Variants in GABRA4 observed in about 807,000 individuals in gnomAD.
The protein encoded by GABRA4 is gamma-aminobutyric acid type A receptor subunit alpha4.
GABRA4 carries 12 observed loss-of-function variants against 49.7 expected under a neutral mutation model. The observed-to-expected ratio is 0.24, with a 90% CI of 0.15 to 0.39. GABRA4 has a LOEUF of 0.39. Ranked by LOEUF, GABRA4 falls within the 10% of genes least tolerant of loss-of-function variation. The probability of loss-of-function intolerance (pLI) is 1.00; values close to 1 mark genes in which losing one functional copy is unlikely to be tolerated. For missense variants in GABRA4, 506 were observed against 686.0 expected, an observed-to-expected ratio of 0.74 and a Z score of 2.93; for synonymous variants, 288 against 240.2, an observed-to-expected ratio of 1.20 and a Z score of -1.84.
At chr4:46,933,736 T>C (rs1488586790) in intron 8 of GABRA4, among the ~76,000 whole-genome samples, 1 of 152,284 alleles carries the variant, frequency 6.6e-6, no homozygotes, top group Admixed American at 6.5e-5. Context: ...GTACAGAGTG[T>C]AGAGACTTCA....
chr4:46,965,667 A>G (rs1403140882), intron 7 of GABRA4, among the ~76,000 whole-genome samples: 2 of 151,784 alleles, frequency 1.3e-5, no homozygotes, highest in Non-Finnish European at 2.9e-5. Flanking sequence ...TCATCCAGGA[A>G]TGGAAAGTGA....
At chr4:46,978,708 A>AAAAAAG (rs1560481725) in intron 3 of GABRA4, among the ~76,000 whole-genome samples, 2 of 149,422 alleles carry the variant, frequency 1.3e-5, no homozygotes, top group African/African-American at 2.5e-5. Context: ...AAAAAAAAAA[A>AAAAAAG]AAAAAGAAAA....
At chr4:46,990,774 C>T (rs1560486448) in intron 2 of GABRA4, among the ~76,000 whole-genome samples, 1 of 152,150 alleles carries the variant, frequency 6.6e-6, no homozygotes, top group Non-Finnish European at 1.5e-5. Context: ...AATGATTCAC[C>T]CCTTTTCAGA....
At chr4:46,959,889 G>C (rs996119998) in intron 8 of GABRA4, among the ~76,000 whole-genome samples, 1 of 149,736 alleles carries the variant, frequency 6.7e-6, no homozygotes, top group South Asian at 2.1e-4. Context: ...ACTGGAATAC[G>C]TGGACCTACA....
At chr4:46,938,569 A>G (rs1262761668) in intron 8 of GABRA4, among the ~76,000 whole-genome samples, 2 of 152,130 alleles carry the variant, frequency 1.3e-5, no homozygotes, top group Non-Finnish European at 2.9e-5. Flanking sequence ...GTCTTTGATG[A>G]GCCAAGAACC....
At position 46,924,855 on chromosome 4, in the gene GABRA4, T is replaced by C. The variant is rs1721156260; in HGVS notation, c.*3370A>G. 1 of 152,026 alleles carries C rather than the reference T, an allele frequency of 6.6e-6. No homozygotes were observed. The highest frequency in any genetic ancestry group is 2.1e-4 in the South Asian group (1 of 4,830). 9.4% of individuals were successfully genotyped at this position (152,026 alleles called of 1,614,324 possible). On this transcript the variant is annotated 3_prime_UTR_variant, in exon 9 of 9. Transcript: ENST00000264318. The stretch of plus-strand genomic sequence containing the variant: ...TGAAAAGCTCTTAGATATTACATAA[T>C]CCACCTCCTCCCTGTTATAAATGAG...
intron 8 of GABRA4, among the ~76,000 whole-genome samples, chr4:46,959,185 G>C (rs1182263923): frequency 6.6e-6 from 1 of 151,588 alleles, no homozygotes; most frequent in Non-Finnish European, 1.5e-5. Flanking sequence ...AATCTTTAAA[G>C]TTGTACTTGA....
At position 46,954,381 on chromosome 4, in the gene GABRA4, C is replaced by A. The variant is rs550755652; in HGVS notation, c.1134+10589G>T. ...AGACCAGCCTGGCCAAATGGTGAAACCCTGTCTCTACTAAAAATACAAAAA... is the reference window on the plus strand; with the variant it reads ...AGACCAGCCTGGCCAAATGGTGAAAACCTGTCTCTACTAAAAATACAAAAA... On this transcript the variant is annotated intron_variant, in intron 8 of 8. Transcript: ENST00000264318. Among the ~76,000 whole-genome samples the A allele has an allele frequency of 2.1e-5, 3 of 145,554 alleles. No homozygotes were observed. The East Asian group carries it at 6.4e-4, about 31-fold the overall frequency.
At chr4:46,942,766 G>T (rs1721852687) in intron 8 of GABRA4, among the ~76,000 whole-genome samples, 1 of 151,936 alleles carries the variant, frequency 6.6e-6, no homozygotes, top group Non-Finnish European at 1.5e-5. Flanking sequence ...TCCAGTGTGG[G>T]ATGCTTGTTC....
chr4:46,959,444 A>G (rs957124050), intron 8 of GABRA4, among the ~76,000 whole-genome samples: 4 of 151,984 alleles, frequency 2.6e-5, no homozygotes, highest in Non-Finnish European at 4.4e-5. Context: ...TAAATGGTAT[A>G]ATCCTATGTC....
chr4:46,985,615 C>T (rs1723506280), intron 2 of GABRA4, among the ~76,000 whole-genome samples: 1 of 151,880 alleles, frequency 6.6e-6, no homozygotes, highest in South Asian at 2.1e-4. Flanking sequence ...ATTTTCTCAT[C>T]TAAAAGAAAT....
At chr4:46,940,612 C>T (rs1190814840) in intron 8 of GABRA4, among the ~76,000 whole-genome samples, 4 of 151,956 alleles carry the variant, frequency 2.6e-5, no homozygotes, top group African/African-American at 7.2e-5. Flanking sequence ...CCTATTAACA[C>T]GATTCATTAC....
At position 46,950,932 on chromosome 4, in the gene GABRA4, C is replaced by T. The variant is rs866416935; in HGVS notation, c.1134+14038G>A. Among the ~76,000 whole-genome samples, 197 of 152,010 alleles carry T rather than the reference C, an allele frequency of 1.3e-3. 2 individuals are homozygous for T. The highest frequency in any genetic ancestry group is 4.5e-3 in the African/African-American group (188 of 41,488). ...GGCGAGTATTAGATTCCTTCCTTCACTCATAGCCAGAAAACCTATACTGGG... is the reference window on the plus strand; with the variant it reads ...GGCGAGTATTAGATTCCTTCCTTCATTCATAGCCAGAAAACCTATACTGGG... On this transcript the variant is annotated intron_variant, in intron 8 of 8. Transcript: ENST00000264318.
At chr4:46,935,549 C>G (rs1014052653) in intron 8 of GABRA4, among the ~76,000 whole-genome samples, 6 of 151,872 alleles carry the variant, frequency 4.0e-5, no homozygotes, top group African/African-American at 1.5e-4. Flanking sequence ...ATATGGCCAT[C>G]ATGTCTAATA....
At chr4:46,954,155 G>A (rs991144462) in intron 8 of GABRA4, among the ~76,000 whole-genome samples, 1 of 150,368 alleles carries the variant, frequency 6.7e-6, no homozygotes. Flanking sequence ...CTGCTGTAGA[G>A]GTGAGTATAA....
chr4:46,975,089 C>A (rs1723093222), intron 5 of GABRA4, among the ~76,000 whole-genome samples: 3 of 151,962 alleles, frequency 2.0e-5, no homozygotes, highest in Admixed American at 2.0e-4. Flanking sequence ...GCACTCTGTG[C>A]AAATGGAGAA....
At chr4:46,932,300 T>C (rs1721465482) in intron 8 of GABRA4, among the ~76,000 whole-genome samples, 1 of 152,074 alleles carries the variant, frequency 6.6e-6, no homozygotes, top group African/African-American at 2.4e-5. Context: ...CATTTTCCAG[T>C]AGAGAAAAGT....
chr4:46,960,030 C>T (rs1722517128), intron 8 of GABRA4, among the ~76,000 whole-genome samples: 1 of 150,210 alleles, frequency 6.7e-6, no homozygotes, highest in Non-Finnish European at 1.5e-5. Flanking sequence ...TAGTGATATA[C>T]AAATATGAAA....
In GABRA4 at chr4:46,919,552, TAAC is replaced by T. The variant is rs1312603127; in HGVS notation, c.*8670_*8672del. ...AGCAAGAATATTGAAGCTCAGATGA[TAAC>T]AAATTTAGTTTTTATGATATGAGGA... On this transcript the variant is annotated 3_prime_UTR_variant, in exon 9 of 9. Transcript: ENST00000264318. 3 of 151,618 alleles carry T rather than the reference TAAC, an allele frequency of 2.0e-5. No individual in the cohort carries two copies. The highest frequency in any genetic ancestry group is 3.0e-5 in the Non-Finnish European group (2 of 67,572). 9.4% of individuals were successfully genotyped at this position (151,618 alleles called of 1,614,324 possible). A position where few individuals can be genotyped will look rare whatever the true frequency, so the allele number is the denominator to read the frequency against.
Sources: gnomAD v4.1 joint callset for allele counts (sites outside exome capture counted in the v4.1 genomes callset) on GRCh38, gnomAD v4.1.1 for gene constraint, MANE v1.5 for transcripts, NCBI Gene and HGNC (gene_info 2026-07-23, HGNC 2026-07-21) for gene names.